GRIK2: variants seen among roughly 807,000 people sequenced by gnomAD.
GRIK2 encodes glutamate receptor ionotropic, kainate 2.
A neutral mutation model predicts 100.3 loss-of-function variants in GRIK2; 32 were observed. The observed-to-expected ratio is 0.32, with a 90% CI of 0.24 to 0.43. The LOEUF (loss-of-function observed/expected upper bound fraction) is 0.43, where lower values mean the gene tolerates loss of function less well. Ranked by LOEUF, GRIK2 falls within the 20% of genes least tolerant of loss-of-function variation. The pLI is 1.00. For synonymous variants in GRIK2, 417 were observed against 389.4 expected, an observed-to-expected ratio of 1.07 and a Z score of -0.83; for missense variants, 843 against 1,114.9, an observed-to-expected ratio of 0.76 and a Z score of 3.47.
In GRIK2 at chr6:101,510,510, G is replaced by GTT. The variant is rs142391999; in HGVS notation, c.115+111147_115+111148dup. Among the ~76,000 whole-genome samples the GTT allele has an allele frequency of 1.4e-3, 130 of 94,346 alleles. 5 individuals carry two copies. The highest frequency in any genetic ancestry group is 1.7e-3 in the Non-Finnish European group (85 of 48,906). 61.9% of individuals were successfully genotyped at this position (94,346 alleles called of 152,430 possible). A position where few individuals can be genotyped will look rare whatever the true frequency, so the allele number is the denominator to read the frequency against. Reference sequence around the variant, plus strand: ...GTCAGATCATGATCCCAGTTGGGGAGTTTTTTTTTTTTTTTTTTTTTTTTT... The same window carrying GTT: ...GTCAGATCATGATCCCAGTTGGGGAGTTTTTTTTTTTTTTTTTTTTTTTTTTT... On this transcript the variant is annotated intron_variant, in intron 2 of 16. Coordinates refer to ENST00000369134, the MANE Select transcript of GRIK2 (RefSeq NM_021956.5).
chr6:101,981,391 G>A (rs950793315), intron 14 of GRIK2, among the ~76,000 whole-genome samples: 1 of 151,762 alleles, frequency 6.6e-6, no homozygotes, highest in Non-Finnish European at 1.5e-5. Context: ...ACAGGGATGT[G>A]GCAATTTAAA....
intron 2 of GRIK2, among the ~76,000 whole-genome samples, chr6:101,442,977 G>A (rs1770164494): frequency 6.6e-6 from 1 of 152,020 alleles, no homozygotes; most frequent in Non-Finnish European, 1.5e-5. Flanking sequence ...TTCCTATAAT[G>A]TTTACAATAG....
intron 5 of GRIK2, among the ~76,000 whole-genome samples, chr6:101,677,814 A>G (rs1481051071): frequency 5.3e-5 from 8 of 152,296 alleles, no homozygotes; most frequent in African/African-American, 1.9e-4. Context: ...AACTGCCAAT[A>G]GTAAATGCCT....
At chr6:101,922,129 T>TC (rs1789584440) in intron 12 of GRIK2, among the ~76,000 whole-genome samples, 1 of 31,538 alleles carries the variant, frequency 3.2e-5, no homozygotes, top group African/African-American at 1.7e-4. Flanking sequence ...CCTTCCTTCC[T>TC]TCCTTCCTTC....
chr6:101,743,440 A>T (rs1776174275), intron 7 of GRIK2, among the ~76,000 whole-genome samples: 1 of 152,222 alleles, frequency 6.6e-6, no homozygotes, highest in Non-Finnish European at 1.5e-5. Context: ...TCTTATATGA[A>T]AAATTTCTTA....
At chr6:101,562,031 A>G (rs1038986361) in intron 2 of GRIK2, among the ~76,000 whole-genome samples, 12 of 152,242 alleles carry the variant, frequency 7.9e-5, no homozygotes, top group South Asian at 4.1e-4. Context: ...ATTAGTGGTT[A>G]TTATCCCCAC....
chr6:101,600,266 AT>A (rs1779143750), intron 2 of GRIK2, among the ~76,000 whole-genome samples: 1 of 151,392 alleles, frequency 6.6e-6, no homozygotes, highest in Non-Finnish European at 1.5e-5. Flanking sequence ...TTTGTGGCTG[AT>A]TTTGTTCCAG....
intron 2 of GRIK2, among the ~76,000 whole-genome samples, chr6:101,472,460 A>T (rs1359003351): frequency 6.6e-6 from 1 of 151,876 alleles, no homozygotes; most frequent in Non-Finnish European, 1.5e-5. Context: ...CCCATACTGA[A>T]TATATGCATT....
chr6:101,808,179 T>G (rs973596044), intron 9 of GRIK2, among the ~76,000 whole-genome samples: 7 of 152,090 alleles, frequency 4.6e-5, no homozygotes, highest in African/African-American at 1.7e-4. Flanking sequence ...TTCAGGAAGA[T>G]CTTAGACTGT....
At chr6:101,778,102 A>G (rs1353020825) in intron 7 of GRIK2, among the ~76,000 whole-genome samples, 1 of 152,234 alleles carries the variant, frequency 6.6e-6, no homozygotes, top group Non-Finnish European at 1.5e-5. Flanking sequence ...ATGGAATACT[A>G]TGTGAGGTAT....
chr6:101,896,951 C>A (rs1373089823), intron 12 of GRIK2, among the ~76,000 whole-genome samples: 2 of 151,230 alleles, frequency 1.3e-5, no homozygotes, highest in African/African-American at 4.9e-5. Flanking sequence ...CAAAAAATGG[C>A]ACCTCTGTTC....
chr6:101,939,207 A>G (rs1417168), intron 14 of GRIK2, among the ~76,000 whole-genome samples: 5,216 of 152,128 alleles, frequency 0.034, 317 homozygotes, highest in African/African-American at 0.12. Flanking sequence ...GCATAGACCA[A>G]GTTGTGGCGT....
chr6:102,029,457 T>G (rs1769871447), intron 14 of GRIK2, among the ~76,000 whole-genome samples: 1 of 151,298 alleles, frequency 6.6e-6, no homozygotes, highest in Non-Finnish European at 1.5e-5. Flanking sequence ...TTTTACCTCA[T>G]CACTGATCCT....
chr6:102,067,846 T>TA (rs1772093491), intron 16 of GRIK2, among the ~76,000 whole-genome samples: 1 of 151,908 alleles, frequency 6.6e-6, no homozygotes, highest in Non-Finnish European at 1.5e-5. Context: ...TTGTTTTCCA[T>TA]ATTTTATGTC....
At chr6:101,520,378 A>T (rs902900589) in intron 2 of GRIK2, among the ~76,000 whole-genome samples, 2 of 150,340 alleles carry the variant, frequency 1.3e-5, no homozygotes, top group South Asian at 2.1e-4. Flanking sequence ...ATATTACATT[A>T]TATATTACAT....
intron 2 of GRIK2, among the ~76,000 whole-genome samples, chr6:101,452,185 A>G (rs1251595256): frequency 6.6e-6 from 1 of 151,844 alleles, no homozygotes; most frequent in South Asian, 2.1e-4. Flanking sequence ...GGATCTCCAT[A>G]TGTTAAACAC....
At chr6:101,840,170 T>C (rs1783405173) in intron 10 of GRIK2, among the ~76,000 whole-genome samples, 1 of 152,182 alleles carries the variant, frequency 6.6e-6, no homozygotes, top group Non-Finnish European at 1.5e-5. Context: ...ATTATGGGCT[T>C]CCAAAGAAGG....
intron 10 of GRIK2, among the ~76,000 whole-genome samples, chr6:101,832,374 A>G (rs971816954): frequency 1.3e-4 from 20 of 152,184 alleles, no homozygotes; most frequent in Admixed American, 2.0e-4. Flanking sequence ...ATAATAAATA[A>G]TTTTATGAAA....
chr6:101,715,457 T>C (rs1025529533), intron 7 of GRIK2, among the ~76,000 whole-genome samples: 2 of 151,680 alleles, frequency 1.3e-5, no homozygotes, highest in African/African-American at 4.8e-5. Context: ...GGGAGTGTTG[T>C]AGGGAAAGAA....
Sources: allele counts gnomAD v4.1 joint callset (sites outside exome capture counted in the v4.1 genomes callset), GRCh38; gene constraint gnomAD v4.1.1; transcripts MANE v1.5; gene names NCBI Gene and HGNC (gene_info 2026-07-23, HGNC 2026-07-21).